NREP: variants seen among roughly 807,000 people sequenced by gnomAD.
The protein encoded by NREP is neuronal regeneration related protein, also known as neuronal regeneration-related protein.
In NREP, 5 loss-of-function variants were observed where a neutral mutation model predicts 8.6. The ratio of observed to expected loss-of-function variants is 0.58; its 90% CI spans 0.30 to 1.22. NREP has a LOEUF of 1.22. NREP is among the 50% of genes most tolerant of loss of function. The pLI is 0.07. For missense variants in NREP, 86 were observed against 82.5 expected (o/e 1.04, Z -0.17); for synonymous variants, 27 against 28.0 (o/e 0.96, Z 0.11).
chr5:111,783,822 C>G (rs1437584825), intron 2 of NREP, among the ~76,000 whole-genome samples: 2 of 152,006 alleles, frequency 1.3e-5, no homozygotes, highest in Non-Finnish European at 2.9e-5. Flanking sequence ...ACCTTTTATC[C>G]CTAAACCTGG....
intron 2 of NREP, among the ~76,000 whole-genome samples, chr5:111,890,312 A>G (rs912584233): frequency 7.2e-5 from 11 of 152,238 alleles, no homozygotes; most frequent in Non-Finnish European, 1.3e-4. Context: ...CTCTGCCCCT[A>G]TGGCTTTGTA....
chr5:111,754,888 C>A (rs994968057), intron 2 of NREP, among the ~76,000 whole-genome samples: 1 of 152,144 alleles, frequency 6.6e-6, no homozygotes, highest in Admixed American at 6.5e-5. Flanking sequence ...ATTCCACCCT[C>A]GTTTCAAAGA....
At chr5:111,900,066 A>T (rs151056740) in intron 2 of NREP, among the ~76,000 whole-genome samples, 1 of 152,296 alleles carries the variant, frequency 6.6e-6, no homozygotes, top group East Asian at 1.9e-4. Flanking sequence ...GTCTCAATAG[A>T]TTTTAAAATT....
In NREP at chr5:111,790,741, G is replaced by T. The variant is rs539935758; in HGVS notation, c.136-55234C>A. On this transcript the variant is annotated intron_variant, in intron 2 of 3. Transcript: ENST00000395634. ...AACACAAGGTTGTCATTAAAATGAG[G>T]ATCTAGTTATTCCATTGCATGGGAA... is the stretch of plus-strand genomic sequence containing the variant. Among the ~76,000 whole-genome samples, 5 of 149,218 alleles carry T rather than the reference G, an allele frequency of 3.4e-5. No homozygotes were observed. In the East Asian group the frequency reaches 7.8e-4, roughly 23 times the overall value.
chr5:111,871,306 T>C (rs1301320599), intron 2 of NREP, among the ~76,000 whole-genome samples: 1 of 152,152 alleles, frequency 6.6e-6, no homozygotes, highest in Non-Finnish European at 1.5e-5. Context: ...TAAGTATTTG[T>C]ATGTCTAAAC....
chr5:111,891,094 C>A (rs1437488178), intron 2 of NREP, among the ~76,000 whole-genome samples: 5 of 152,196 alleles, frequency 3.3e-5, no homozygotes, highest in Non-Finnish European at 5.9e-5. Context: ...TAGGTCATTT[C>A]TTTGCTCAGA....
chr5:111,836,952 T>G (rs775783560), intron 2 of NREP, among the ~76,000 whole-genome samples: 1 of 151,896 alleles, frequency 6.6e-6, no homozygotes, highest in Non-Finnish European at 1.5e-5. Context: ...TTGGGGAAAA[T>G]GGGAAAAGAA....
At chr5:111,950,363 G>C (rs1427853388) in intron 2 of NREP, among the ~76,000 whole-genome samples, 1 of 151,994 alleles carries the variant, frequency 6.6e-6, no homozygotes, top group Admixed American at 6.6e-5. Flanking sequence ...ACTGAAACTG[G>C]ACCCCTTCCT....
chr5:111,789,916 T>C (rs1356519310), intron 2 of NREP, among the ~76,000 whole-genome samples: 1 of 152,052 alleles, frequency 6.6e-6, no homozygotes. Context: ...AAGGACAAGA[T>C]TTGTAGATTT....
intron 2 of NREP, among the ~76,000 whole-genome samples, chr5:111,841,641 T>G (rs775517706): frequency 6.6e-6 from 1 of 152,094 alleles, no homozygotes; most frequent in South Asian, 2.1e-4. Flanking sequence ...TTCGTAAACC[T>G]GGGGTTCCCT....
chr5:111,941,079 A>T (rs577026345), intron 2 of NREP, among the ~76,000 whole-genome samples: 1 of 152,112 alleles, frequency 6.6e-6, no homozygotes, highest in Admixed American at 6.5e-5. Context: ...AAACCACAGA[A>T]TAACTATGGG....
At chr5:111,896,720 C>A (rs1383229443) in intron 2 of NREP, among the ~76,000 whole-genome samples, 1 of 152,144 alleles carries the variant, frequency 6.6e-6, no homozygotes, top group South Asian at 2.1e-4. Flanking sequence ...AACAATTAGA[C>A]CTCGCTGCTT....
intron 2 of NREP, among the ~76,000 whole-genome samples, chr5:111,928,523 G>C (rs1277555187): frequency 2.6e-5 from 4 of 152,112 alleles, no homozygotes. Flanking sequence ...TTTTAGAAGA[G>C]ATAGAGAAGG....
intron 2 of NREP, among the ~76,000 whole-genome samples, chr5:111,821,770 G>C (rs964206261): frequency 3.3e-5 from 5 of 151,998 alleles, no homozygotes; most frequent in African/African-American, 1.2e-4. Flanking sequence ...TCCTTGCTTT[G>C]GTATTAGCAG....
intron 2 of NREP, among the ~76,000 whole-genome samples, chr5:111,802,120 A>G (rs1348887925): frequency 6.6e-6 from 1 of 152,208 alleles, no homozygotes; most frequent in Non-Finnish European, 1.5e-5. Context: ...CCTCTATTTA[A>G]GAACCAGTAC....
rs1473496793 is a variant in NREP, at chr5:111,745,771, T to C, written c.3+9999A>G. Among the ~76,000 whole-genome samples, 13 of 152,286 alleles carry C rather than the reference T, an allele frequency of 8.5e-5. No individual in the cohort carries two copies. In the South Asian group the frequency reaches 1.2e-3, roughly 15 times the overall value. ...GTTTTTGTTCCTCTCAGTTGAAGAA[T>C]ATAAACACTTTTCAGACAAGAGAGG... On this transcript the variant is annotated intron_variant, in intron 2 of 3. Coordinates refer to ENST00000257435, the MANE Select transcript of NREP (RefSeq NM_004772.4).
intron 2 of NREP, among the ~76,000 whole-genome samples, chr5:111,882,662 TG>T (rs570957218): frequency 6.6e-6 from 1 of 151,910 alleles, no homozygotes; most frequent in Non-Finnish European, 1.5e-5. Flanking sequence ...CAGAAAAGAG[TG>T]GGGGCCAATA....
At chr5:111,767,728 C>A (rs536654432) in intron 2 of NREP, among the ~76,000 whole-genome samples, 27 of 152,238 alleles carry the variant, frequency 1.8e-4, no homozygotes, top group South Asian at 8.3e-4. Context: ...TGCAGTGGCA[C>A]AATCACAGCT....
chr5:111,774,038 A>C (rs549853965), intron 2 of NREP, among the ~76,000 whole-genome samples: 9 of 152,288 alleles, frequency 5.9e-5, no homozygotes, highest in African/African-American at 2.2e-4. Flanking sequence ...CACTTGACAA[A>C]TTCCCCATTC....
Sources: gnomAD v4.1 joint callset for allele counts (sites outside exome capture counted in the v4.1 genomes callset) on GRCh38, gnomAD v4.1.1 for gene constraint, MANE v1.5 for transcripts, NCBI Gene and HGNC (gene_info 2026-07-23, HGNC 2026-07-21) for gene names.